CACNA1A: variants seen among roughly 807,000 people sequenced by gnomAD.
CACNA1A encodes voltage-dependent P/Q-type calcium channel subunit alpha-1A.
In CACNA1A, 57 loss-of-function variants were observed where a neutral mutation model predicts 262.4. The observed-to-expected ratio is 0.22, with a 90% CI of 0.18 to 0.27. The LOEUF (loss-of-function observed/expected upper bound fraction) is 0.27, where lower values mean the gene tolerates loss of function less well. Ranked by LOEUF, CACNA1A falls within the 10% of genes least tolerant of loss-of-function variation. CACNA1A has a pLI of 1.00. For synonymous variants in CACNA1A, 1,431 were observed against 1,419.3 expected (o/e 1.01, Z -0.18); for missense variants, 2,526 against 3,562.8 (o/e 0.71, Z 7.41).
At chr19:13,253,723 C>A (rs893872219) in intron 29 of CACNA1A, among the ~76,000 whole-genome samples, 1 of 148,962 alleles carries the variant, frequency 6.7e-6, no homozygotes, top group African/African-American at 2.5e-5. Context: ...GGATTACAGG[C>A]GTGAGCCACC....
chr19:13,455,869 CAAAAA>C (rs766436872), intron 1 of CACNA1A, among the ~76,000 whole-genome samples: 2 of 76,128 alleles, frequency 2.6e-5, no homozygotes, highest in Admixed American at 1.5e-4. Context: ...GGCCCTGTCT[CAAAAA>C]AAAAAAAAAA....
At chr19:13,263,799 GTGTGAGCCAC>G (rs1193452275) in intron 24 of CACNA1A, among the ~76,000 whole-genome samples, 2 of 152,194 alleles carry the variant, frequency 1.3e-5, no homozygotes, top group Non-Finnish European at 2.9e-5. Context: ...GGGATTACAG[GTGTGAGCCAC>G]TGCGCCTGGC....
intron 17 of CACNA1A, 63 bp from the exon 18 acceptor site, chr19:13,300,719 A>G: frequency 7.6e-7 from 1 of 1,321,958 alleles, no homozygotes. Flanking sequence ...CTCACTTCTG[A>G]CCCTGTTGCT....
chr19:13,266,700 T>C (rs1600207074), intron 24 of CACNA1A, among the ~76,000 whole-genome samples: 1 of 152,256 alleles, frequency 6.6e-6, no homozygotes. Context: ...CAGCTTCCTA[T>C]GTAGCTGGGA....
Position 13,236,916 on chromosome 19 carries a change from C to T in CACNA1A, c.4951-1186G>A, listed in dbSNP as rs1376853239. Reference sequence around the variant, plus strand: ...ACCTTGGTGGGGGGGGTGGGACTCTCGAAGTCACGAGTGGGCCAAATCTAG... The same window carrying T: ...ACCTTGGTGGGGGGGGTGGGACTCTTGAAGTCACGAGTGGGCCAAATCTAG... On this transcript the variant is annotated intron_variant, in intron 31 of 46. Coordinates refer to ENST00000360228, the MANE Select transcript of CACNA1A (RefSeq NM_001127222.2). This position sits in a 1 kb window ranked among gnomAD's most constrained non-coding sequence, Gnocchi z 4.6. Among the ~76,000 whole-genome samples, 4 of 152,108 alleles carry T rather than the reference C, an allele frequency of 2.6e-5. No individual in the cohort carries two copies. Among genetic ancestry groups the T allele is most frequent in the African/African-American group, 4.8e-5 (2 of 41,396 alleles).
intron 10 of CACNA1A, among the ~76,000 whole-genome samples, chr19:13,320,804 A>G (rs11669749): frequency 2.2e-4 from 34 of 152,216 alleles, no homozygotes; most frequent in Non-Finnish European, 4.3e-4. Context: ...TTTAAAAATC[A>G]CTTTCATGAG....
chr19:13,350,232 G>A (rs1401289504), intron 6 of CACNA1A, among the ~76,000 whole-genome samples: 4 of 152,126 alleles, frequency 2.6e-5, no homozygotes, highest in Non-Finnish European at 5.9e-5. Context: ...CTCAACCTCA[G>A]TACTACTGAC....
At chr19:13,448,195 T>C (rs1005932070) in intron 3 of CACNA1A, among the ~76,000 whole-genome samples, 6 of 152,030 alleles carry the variant, frequency 3.9e-5, no homozygotes, top group Admixed American at 3.9e-4. Flanking sequence ...AACAAGATCA[T>C]GTCCTTTGCA....
chr19:13,505,735 C>G (rs1599395708), intron 1 of CACNA1A, among the ~76,000 whole-genome samples, 197 bp downstream of exon 1: 1 of 152,038 alleles, frequency 6.6e-6, no homozygotes, highest in Middle Eastern at 3.4e-3. Flanking sequence ...ATTCCCAAGC[C>G]TCCAGGGTAG....
intron 34 of CACNA1A, among the ~76,000 whole-genome samples, chr19:13,234,274 C>T (rs8112530): frequency 0.42 from 59,267 of 141,072 alleles, 12,318 homozygotes; most frequent in Middle Eastern, 0.55. Flanking sequence ...GGCGTGAACC[C>T]GGGAGGCGGA....
intron 3 of CACNA1A, among the ~76,000 whole-genome samples, chr19:13,435,627 T>G (rs2060597893): frequency 6.6e-6 from 1 of 152,026 alleles, no homozygotes; most frequent in South Asian, 2.1e-4. Context: ...GAGGATTAAA[T>G]GAGATAATTT....
chr19:13,401,781 C>T (rs1028889282), intron 3 of CACNA1A, among the ~76,000 whole-genome samples: 2 of 151,752 alleles, frequency 1.3e-5, no homozygotes, highest in Admixed American at 6.6e-5. Context: ...TGCATGGAGT[C>T]GAGCCATATT....
At chr19:13,234,725 G>T in intron 34 of CACNA1A, 196 bp downstream of exon 34, 1 of 554,386 alleles carries the variant, frequency 1.8e-6, no homozygotes. Context: ...AGAGAAGGCC[G>T]GCACGTCCCC....
intron 3 of CACNA1A, among the ~76,000 whole-genome samples, chr19:13,437,293 G>A (rs2144859479): frequency 6.6e-6 from 1 of 152,202 alleles, no homozygotes; most frequent in East Asian, 1.9e-4. Flanking sequence ...AAGGATCTAA[G>A]ACCCAGCAGA....
chr19:13,354,427 G>C (rs1458247496), intron 6 of CACNA1A, among the ~76,000 whole-genome samples: 2 of 152,192 alleles, frequency 1.3e-5, no homozygotes, highest in Non-Finnish European at 2.9e-5. Flanking sequence ...GGCAGGGCTA[G>C]CCCAAGGGAG....
At chr19:13,488,390 CTTTTTTT>C (rs34348281) in intron 1 of CACNA1A, among the ~76,000 whole-genome samples, 99 of 77,632 alleles carry the variant, frequency 1.3e-3, no homozygotes, top group Middle Eastern at 6.8e-3. Context: ...TTTTTCTTTT[CTTTTTTT>C]TTTTTTTTTT....
intron 3 of CACNA1A, among the ~76,000 whole-genome samples, chr19:13,407,457 C>A (rs1440100368): frequency 2.0e-5 from 3 of 152,146 alleles, no homozygotes; most frequent in Non-Finnish European, 4.4e-5. Flanking sequence ...AAGAATCCAC[C>A]TCACAGGCTT....
At chr19:13,316,887 T>A in intron 11 of CACNA1A, 2 of 422,970 alleles carry the variant, frequency 4.7e-6, no homozygotes, top group Non-Finnish European at 8.4e-6. Flanking sequence ...GGAGCATTTG[T>A]TGGTCTGAAT....
chr19:13,232,568 A>G (rs2055704423), intron 34 of CACNA1A, among the ~76,000 whole-genome samples: 1 of 151,206 alleles, frequency 6.6e-6, no homozygotes, highest in South Asian at 2.1e-4. Flanking sequence ...TATCTCTACT[A>G]AAAATACCAA....
Sources: gnomAD v4.1 joint callset for allele counts (sites outside exome capture counted in the v4.1 genomes callset) on GRCh38, gnomAD v4.1.1 for gene constraint, Gnocchi (gnomAD v3.1) non-coding constraint, MANE v1.5 for transcripts, NCBI Gene and HGNC (gene_info 2026-07-23, HGNC 2026-07-21) for gene names.